NCKAP5: variants seen among roughly 807,000 people sequenced by gnomAD.
The protein encoded by NCKAP5 is nck-associated protein 5.
In NCKAP5, 92 loss-of-function variants were observed where a neutral mutation model predicts 167.0. That is an observed-to-expected ratio of 0.55 (90% CI 0.47 to 0.66). The LOEUF is 0.66. NCKAP5 is among the 30% of genes least tolerant of loss of function. The pLI, the probability that NCKAP5 is intolerant of heterozygous loss-of-function variation, is 0.00. For missense variants in NCKAP5, 2,378 were observed against 2,315.0 expected, an observed-to-expected ratio of 1.03 and a Z score of -0.56; for synonymous variants, 891 against 877.4, an observed-to-expected ratio of 1.02 and a Z score of -0.27.
chr2:133,145,919 G>A (rs1247630646), intron 5 of NCKAP5, among the ~76,000 whole-genome samples: 1 of 152,060 alleles, frequency 6.6e-6, no homozygotes. Flanking sequence ...TCTTACAGCT[G>A]AATCATTCCA....
At chr2:133,076,981 A>G (rs2080625947) in intron 6 of NCKAP5, among the ~76,000 whole-genome samples, 1 of 152,200 alleles carries the variant, frequency 6.6e-6, no homozygotes, top group South Asian at 2.1e-4. Context: ...AGTGAGGAGA[A>G]AAAAGGGATA....
At chr2:132,709,335 G>A (rs1453117605) in intron 19 of NCKAP5, among the ~76,000 whole-genome samples, 3 of 151,982 alleles carry the variant, frequency 2.0e-5, no homozygotes, top group African/African-American at 4.8e-5. Context: ...TGAAAGAAGA[G>A]GATGATAAAA....
At chr2:133,465,630 G>A (rs1387680676) in intron 3 of NCKAP5, among the ~76,000 whole-genome samples, 1 of 152,108 alleles carries the variant, frequency 6.6e-6, no homozygotes, top group Non-Finnish European at 1.5e-5. Context: ...CACCAACAGT[G>A]TAAAAGTGTT....
chr2:132,996,079 A>T (rs1435095492), intron 6 of NCKAP5, among the ~76,000 whole-genome samples: 1 of 152,228 alleles, frequency 6.6e-6, no homozygotes, highest in African/African-American at 2.4e-5. Flanking sequence ...TCACCGGCCA[A>T]CAGGAATTTT....
At chr2:133,320,087 A>C (rs981921723) in intron 3 of NCKAP5, among the ~76,000 whole-genome samples, 5 of 152,278 alleles carry the variant, frequency 3.3e-5, no homozygotes, top group African/African-American at 1.2e-4. Flanking sequence ...GGATGCAAAA[A>C]TCACAAGGAG....
chr2:133,543,936 C>A (rs1686438416), intron 2 of NCKAP5, among the ~76,000 whole-genome samples: 1 of 152,194 alleles, frequency 6.6e-6, no homozygotes, highest in Non-Finnish European at 1.5e-5. Context: ...AGCCACAGCT[C>A]ATTTATCTGG....
intron 2 of NCKAP5, among the ~76,000 whole-genome samples, chr2:133,545,148 G>A (rs1368718019): frequency 1.3e-5 from 2 of 152,146 alleles, no homozygotes; most frequent in Admixed American, 1.3e-4. Flanking sequence ...AATAACAGAG[G>A]CAGCTAGTGT....
intron 2 of NCKAP5, among the ~76,000 whole-genome samples, chr2:133,540,105 C>T (rs1303895801): frequency 6.6e-6 from 1 of 151,728 alleles, no homozygotes; most frequent in African/African-American, 2.4e-5. Context: ...TGCTTGAACC[C>T]GGGAGGCAGA....
chr2:132,685,286 C>T (rs111726093), intron 19 of NCKAP5, among the ~76,000 whole-genome samples: 1,682 of 152,284 alleles, frequency 0.011, 26 homozygotes, highest in African/African-American at 0.037. Context: ...CAGGAAAAAA[C>T]TGCACAGAGG....
In NCKAP5 at chr2:133,257,567, C is replaced by A. The variant is rs115625899; in HGVS notation, c.144-43788G>T. 1.8e-3 allele frequency among the ~76,000 whole-genome samples: 269 copies of A among 152,256 alleles called. 1 individual carries two copies. The highest frequency in any genetic ancestry group is 6.2e-3 in the African/African-American group (256 of 41,538). On this transcript the variant is annotated intron_variant, in intron 4 of 19. Transcript: ENST00000409261. Reference sequence around the variant, plus strand: ...CATACAGTATTGCTTTATTCCTCTGCCTTTTTTGTAAATATTGAGAACATT... The same window carrying A: ...CATACAGTATTGCTTTATTCCTCTGACTTTTTTGTAAATATTGAGAACATT...
At chr2:133,204,024 T>G (rs1241197404) in intron 5 of NCKAP5, among the ~76,000 whole-genome samples, 1 of 152,218 alleles carries the variant, frequency 6.6e-6, no homozygotes, top group African/African-American at 2.4e-5. Context: ...TTTTACAATA[T>G]CTACTCTCTA....
intron 19 of NCKAP5, among the ~76,000 whole-genome samples, chr2:132,699,569 A>G (rs1687684898): frequency 6.6e-6 from 1 of 151,918 alleles, no homozygotes; most frequent in South Asian, 2.1e-4. Context: ...TATGAGTGAG[A>G]ACATGCAGTG....
At chr2:133,163,613 G>C (rs547320594) in intron 5 of NCKAP5, among the ~76,000 whole-genome samples, 83 of 152,262 alleles carry the variant, frequency 5.5e-4, no homozygotes, top group Middle Eastern at 6.8e-3. Flanking sequence ...TTCTGCCTGA[G>C]GAATTTCATA....
intron 3 of NCKAP5, among the ~76,000 whole-genome samples, chr2:133,315,611 A>G (rs775323886): frequency 2.0e-4 from 30 of 151,464 alleles, no homozygotes; most frequent in Non-Finnish European, 4.1e-4. Context: ...AAAAGGACCT[A>G]GTACTTGGAG....
intron 2 of NCKAP5, among the ~76,000 whole-genome samples, chr2:133,545,194 C>T (rs1256374967): frequency 6.6e-6 from 1 of 152,166 alleles, no homozygotes; most frequent in East Asian, 1.9e-4. Flanking sequence ...TTTTCTTCAT[C>T]TATTTTTCTT....
At chr2:133,121,205 T>C (rs2082240171) in intron 6 of NCKAP5, among the ~76,000 whole-genome samples, 2 of 152,240 alleles carry the variant, frequency 1.3e-5, no homozygotes, top group East Asian at 3.9e-4. Context: ...GGTCCAATAT[T>C]ATAGGTCTTT....
intron 12 of NCKAP5, among the ~76,000 whole-genome samples, chr2:132,791,954 G>GA (rs1482196660): frequency 1.3e-5 from 2 of 152,238 alleles, no homozygotes; most frequent in African/African-American, 4.8e-5. Flanking sequence ...GTTGGGGTAA[G>GA]ATGACAGGAA....
chr2:133,486,835 A>G (rs1575044930), intron 3 of NCKAP5, among the ~76,000 whole-genome samples: 1 of 152,280 alleles, frequency 6.6e-6, no homozygotes, highest in East Asian at 1.9e-4. Flanking sequence ...TCATTGATGG[A>G]CACCAGTTCA....
chr2:133,547,203 C>G (rs1284422918), intron 2 of NCKAP5, among the ~76,000 whole-genome samples: 1 of 152,226 alleles, frequency 6.6e-6, no homozygotes, highest in Non-Finnish European at 1.5e-5. Context: ...GAGATTATAT[C>G]ACACACCTGG....
Sources: allele counts gnomAD v4.1 joint callset (sites outside exome capture counted in the v4.1 genomes callset), GRCh38; gene constraint gnomAD v4.1.1; transcripts MANE v1.5; gene names NCBI Gene and HGNC (gene_info 2026-07-23, HGNC 2026-07-21).